ANK3: variants seen among roughly 807,000 people sequenced by gnomAD.
ANK3 encodes ankyrin 3, also known as ankyrin-3.
ANK3 carries 57 observed loss-of-function variants against 370.9 expected under a neutral mutation model. The ratio of observed to expected loss-of-function variants is 0.15; its 90% CI spans 0.12 to 0.19. ANK3 has a LOEUF of 0.19. Among genes scored for constraint, ANK3 ranks in the 10% least tolerant of loss-of-function variants. ANK3 has a pLI of 1.00. For missense variants in ANK3, 4,439 were observed against 5,302.1 expected (o/e 0.84, Z 5.06); for synonymous variants, 1,929 against 1,946.3 (o/e 0.99, Z 0.23).
Position 60,068,754 on chromosome 10 carries a change from G to A in ANK3, c.12127C>T (p.Arg4043Trp), listed in dbSNP as rs780267265. The A allele has an allele frequency of 7.4e-6, 12 of 1,613,992 alleles. No individual in the cohort carries two copies. Among genetic ancestry groups the A allele is most frequent in the South Asian group, 3.3e-5 (3 of 91,084 alleles). ...GTTGTAACCGAAGGCTGGCCACCCC[G>A]GGAAGTCTCGGACAACGACGTGTTT... is the stretch of plus-strand genomic sequence containing the variant. Reference protein sequence around the residue: ...SRNTSLSETSRGGQPSVTTKS... With the variant: ...SRNTSLSETSWGGQPSVTTKS... The change falls in exon 37 of 44, where the codon CGG becomes TGG. Residue 4043 changes from arginine to tryptophan, a missense_variant. Physicochemically the swap from Arg to Trp is moderately radical, Grantham distance 101. Transcript: ENST00000280772.
At chr10:60,347,059 A>G (rs570054482) in intron 1 of ANK3, among the ~76,000 whole-genome samples, 1 of 104,900 alleles carries the variant, frequency 9.5e-6, no homozygotes, top group Admixed American at 1.1e-4. Flanking sequence ...TATATGATAT[A>G]TATATATATA....
chr10:60,165,222 T>C (rs2095596602), intron 23 of ANK3, among the ~76,000 whole-genome samples: 1 of 152,236 alleles, frequency 6.6e-6, no homozygotes, highest in Admixed American at 6.5e-5. Context: ...GTTTTGTGTG[T>C]GTAAACATCT....
At chr10:60,355,578 C>T (rs889869444) in intron 1 of ANK3, among the ~76,000 whole-genome samples, 1 of 152,148 alleles carries the variant, frequency 6.6e-6, no homozygotes, top group African/African-American at 2.4e-5. Flanking sequence ...AAACATTGCT[C>T]TCATTGAGGA....
intron 8 of ANK3, among the ~76,000 whole-genome samples, chr10:60,215,431 C>T (rs1022999990): frequency 1.3e-5 from 2 of 152,048 alleles, no homozygotes; most frequent in African/African-American, 2.4e-5. Flanking sequence ...GAAATCTTTG[C>T]CCATGCCTAC....
intron 28 of ANK3, among the ~76,000 whole-genome samples, chr10:60,090,475 CA>C (rs1458868242): frequency 2.0e-5 from 3 of 151,954 alleles, no homozygotes; most frequent in African/African-American, 7.3e-5. Flanking sequence ...ATTTCCATGA[CA>C]AAAAGAGTAA....
chr10:60,274,162 T>C (rs72820500), intron 4 of ANK3, among the ~76,000 whole-genome samples: 2,926 of 152,252 alleles, frequency 0.019, 36 homozygotes, highest in South Asian at 0.033. Flanking sequence ...TTTGTGGAGA[T>C]AGGGTCTCAC....
chr10:60,529,286 G>A (rs1427516815), intron 2 of ANK3, among the ~76,000 whole-genome samples: 1 of 152,068 alleles, frequency 6.6e-6, no homozygotes, highest in Admixed American at 6.6e-5. Flanking sequence ...CCAAGCAAAG[G>A]CTTTCAGAAG....
intron 1 of ANK3, among the ~76,000 whole-genome samples, chr10:60,652,539 G>A (rs948934528): frequency 6.6e-6 from 1 of 151,896 alleles, no homozygotes; most frequent in Non-Finnish European, 1.5e-5. Flanking sequence ...AGAGGCAGAG[G>A]CATAAATGGG....
chr10:60,287,124 C>T (rs1268814803), intron 1 of ANK3, among the ~76,000 whole-genome samples: 2 of 152,084 alleles, frequency 1.3e-5, no homozygotes, highest in Non-Finnish European at 2.9e-5. Context: ...GACTATCCAC[C>T]TTGGGCATGT....
chr10:60,620,527 G>C (rs2078321619), intron 1 of ANK3, among the ~76,000 whole-genome samples: 1 of 152,130 alleles, frequency 6.6e-6, no homozygotes, highest in Non-Finnish European at 1.5e-5. Flanking sequence ...ATAAGTAACA[G>C]AGCCTATATC....
rs541012849 is a variant in ANK3 at position 60,308,698 on chromosome 10, C to A, written c.115-29059G>T. ...CAACTGCATTTTCTCTCCCATCCCT[C>A]AGGTCCTCAGCCCCTACCATCCAAA... On this transcript the variant is annotated intron_variant, in intron 1 of 43. Transcript: ENST00000280772. Among the ~76,000 whole-genome samples, 8 of 152,212 alleles carry A rather than the reference C, an allele frequency of 5.3e-5. No individual in the cohort carries two copies. In the South Asian group the frequency reaches 1.7e-3, roughly 32 times the overall value.
chr10:60,302,352 C>T (rs1318145886), intron 1 of ANK3, among the ~76,000 whole-genome samples: 1 of 151,968 alleles, frequency 6.6e-6, no homozygotes, highest in African/African-American at 2.4e-5. Flanking sequence ...ATGAAATTGC[C>T]ATTTTTATAG....
At chr10:60,581,921 C>A (rs1215538099) in intron 2 of ANK3, among the ~76,000 whole-genome samples, 1 of 152,112 alleles carries the variant, frequency 6.6e-6, no homozygotes. Context: ...CACATATACA[C>A]CATGGAATAC....
intron 1 of ANK3, among the ~76,000 whole-genome samples, chr10:60,644,494 A>T (rs919220227): frequency 1.3e-5 from 2 of 152,164 alleles, no homozygotes; most frequent in African/African-American, 4.8e-5. Context: ...TATTCTTTGA[A>T]CCAAATGAAG....
intron 1 of ANK3, among the ~76,000 whole-genome samples, chr10:60,681,356 C>T (rs946949947): frequency 6.6e-6 from 1 of 152,160 alleles, no homozygotes; most frequent in Admixed American, 6.5e-5. Flanking sequence ...CCTGAGGTGC[C>T]CTTGCGAATT....
intron 1 of ANK3, among the ~76,000 whole-genome samples, chr10:60,353,218 C>A (rs909239704): frequency 6.6e-6 from 1 of 150,680 alleles, no homozygotes. Flanking sequence ...GTCTCAAACC[C>A]CTGAGCTCAA....
chr10:60,325,145 T>A (rs915910703), intron 1 of ANK3, among the ~76,000 whole-genome samples: 1 of 152,228 alleles, frequency 6.6e-6, no homozygotes, highest in Admixed American at 6.5e-5. Context: ...AATCTGAGTA[T>A]TGTTCAGCTT....
intron 1 of ANK3, among the ~76,000 whole-genome samples, chr10:60,714,719 T>C (rs1334820119): frequency 6.6e-6 from 1 of 152,164 alleles, no homozygotes; most frequent in Non-Finnish European, 1.5e-5. Flanking sequence ...GAGAACTTCC[T>C]CAACTTGATA....
chr10:60,065,669 G>A (rs1317882990), intron 38 of ANK3, among the ~76,000 whole-genome samples: 1 of 152,118 alleles, frequency 6.6e-6, no homozygotes, highest in African/African-American at 2.4e-5. Context: ...TGTGATCATG[G>A]CCTACAGTTA....
Sources: gnomAD v4.1 joint callset for allele counts (sites outside exome capture counted in the v4.1 genomes callset) on GRCh38, gnomAD v4.1.1 for gene constraint, MANE v1.5 for transcripts, NCBI Gene and HGNC (gene_info 2026-07-23, HGNC 2026-07-21) for gene names.